Variants in LRRIQ3 observed in about 807,000 individuals in gnomAD.
LRRIQ3 encodes the protein leucine rich repeats and IQ motif containing 3.
A neutral mutation model predicts 59.3 loss-of-function variants in LRRIQ3; 75 were observed. That is an observed-to-expected ratio of 1.26 (90% confidence interval 1.05 to 1.53). The LOEUF is 1.53. Ranked by LOEUF, LRRIQ3 falls within the 40% of genes most tolerant of loss-of-function variation. LRRIQ3 has a pLI of 0.00. For missense variants in LRRIQ3, 831 were observed against 710.0 expected, an observed-to-expected ratio of 1.17 and a Z score of -1.94; for synonymous variants, 250 against 231.3, an observed-to-expected ratio of 1.08 and a Z score of -0.73.
chr1:74,109,131 C>T (rs1237690164), intron 5 of LRRIQ3: 2 of 210,934 alleles, frequency 9.5e-6, no homozygotes, highest in Non-Finnish European at 1.9e-5. Flanking sequence ...ATTATTACTA[C>T]TTGTAAAAAC....
At chr1:74,100,297 C>T (rs894633993) in intron 5 of LRRIQ3, among the ~76,000 whole-genome samples, 10 of 152,112 alleles carry the variant, frequency 6.6e-5, no homozygotes, top group Admixed American at 4.6e-4. Context: ...TGAGTGAACT[C>T]CCATTCACAA....
chr1:74,129,907 C>G (rs974141128), intron 4 of LRRIQ3, among the ~76,000 whole-genome samples: 2 of 151,922 alleles, frequency 1.3e-5, no homozygotes, highest in Non-Finnish European at 2.9e-5. Context: ...GAATAGGGGC[C>G]TCAGGACTCT....
chr1:74,173,756 T>A (rs189490978), intron 3 of LRRIQ3, among the ~76,000 whole-genome samples: 2 of 152,218 alleles, frequency 1.3e-5, no homozygotes, highest in African/African-American at 4.8e-5. Context: ...AAATTTTGTT[T>A]CAATTCAAAA....
At chr1:74,055,886 T>C (rs1654518128) in intron 6 of LRRIQ3, among the ~76,000 whole-genome samples, 1 of 152,244 alleles carries the variant, frequency 6.6e-6, no homozygotes, top group African/African-American at 2.4e-5. Context: ...GGCTCACGCC[T>C]GTAATTCCAG....
At chr1:74,105,924 G>C (rs899041759) in intron 5 of LRRIQ3, among the ~76,000 whole-genome samples, 2 of 152,128 alleles carry the variant, frequency 1.3e-5, no homozygotes, top group East Asian at 1.9e-4. Context: ...TATGTCAGGT[G>C]TTTTCTGGAG....
intron 7 of LRRIQ3, among the ~76,000 whole-genome samples, chr1:74,037,064 T>A (rs1653894733): frequency 6.6e-6 from 1 of 152,256 alleles, no homozygotes; most frequent in Non-Finnish European, 1.5e-5. Context: ...TCTCAGTGGT[T>A]GTTATATGAC....
intron 4 of LRRIQ3, among the ~76,000 whole-genome samples, chr1:74,136,248 C>T (rs1360490371): frequency 2.6e-5 from 4 of 151,818 alleles, no homozygotes; most frequent in Admixed American, 1.3e-4. Context: ...TTAAAATGTT[C>T]CCATAGATAA....
At chr1:74,059,347 C>CTTTTTTTTTTTTTTTTTTT (rs1557597218) in intron 6 of LRRIQ3, among the ~76,000 whole-genome samples, 43 of 151,842 alleles carry the variant, frequency 2.8e-4, no homozygotes, top group African/African-American at 9.5e-4. Context: ...CTCCCATCTT[C>CTTTTTTTTTTTTTTTTTTT]TCTTTTAAGA....
chr1:74,100,918 T>A lies in LRRIQ3; in HGVS notation c.867+8476A>T, dbSNP rs545909264. On this transcript the variant is annotated intron_variant, in intron 5 of 7. Coordinates refer to ENST00000354431, the MANE Select transcript of LRRIQ3 (RefSeq NM_001105659.2). ...TATACAAAAATTAATTCAAGATGGA[T>A]TAAAGACTTAAATGTTAGACCTAAA... Among the ~76,000 whole-genome samples the A allele has an allele frequency of 7.2e-5, 11 of 152,186 alleles. No homozygotes were observed. In the East Asian group the frequency reaches 2.1e-3, roughly 29 times the overall value.
At chr1:74,151,950 T>C (rs191435524) in intron 4 of LRRIQ3, among the ~76,000 whole-genome samples, 8 of 152,236 alleles carry the variant, frequency 5.3e-5, no homozygotes, top group African/African-American at 1.9e-4. Flanking sequence ...AAAAACTAAT[T>C]TTATAGAAAC....
chr1:74,174,710 T>C (rs1649535356), intron 3 of LRRIQ3, among the ~76,000 whole-genome samples: 1 of 152,066 alleles, frequency 6.6e-6, no homozygotes, highest in Admixed American at 6.6e-5. Flanking sequence ...TTCATTTTGG[T>C]TAATGTTTTC....
At chr1:74,139,564 A>G (rs1647194507) in intron 4 of LRRIQ3, among the ~76,000 whole-genome samples, 1 of 151,922 alleles carries the variant, frequency 6.6e-6, no homozygotes, top group African/African-American at 2.4e-5. Flanking sequence ...CCTAGGATTG[A>G]TGGCTTTAGT....
chr1:74,075,112 T>C (rs959486458), intron 5 of LRRIQ3, among the ~76,000 whole-genome samples: 3 of 151,914 alleles, frequency 2.0e-5, no homozygotes, highest in Non-Finnish European at 4.4e-5. Context: ...AGAAGCAAGA[T>C]AGTGTTCCCC....
rs527850323 is a variant in LRRIQ3, at chr1:74,138,427, C to G, written c.707+17306G>C. 3.3e-5 allele frequency: 32 copies of G among 957,424 alleles called. No homozygotes were observed. In the South Asian group the frequency reaches 1.3e-3, roughly 39 times the overall value. The allele number at this position is 957,424 out of a possible 1,614,324, so 59.3% of individuals were successfully genotyped here. ...CTCCAAATATCCTTCAATCCATTAC[C>G]AGACTTACATACTTACTTTTTGGTG... On this transcript the variant is annotated intron_variant, in intron 4 of 7. Coordinates refer to ENST00000354431, the MANE Select transcript of LRRIQ3 (RefSeq NM_001105659.2).
At chr1:74,055,180 T>TTATATATATA (rs57279520) in intron 6 of LRRIQ3, among the ~76,000 whole-genome samples, 406 of 139,888 alleles carry the variant, frequency 2.9e-3, no homozygotes, top group African/African-American at 9.6e-3. Context: ...CATATACACT[T>TTATATATATA]TATATATATA....
At chr1:74,111,908 T>G (rs1646700971) in intron 4 of LRRIQ3, among the ~76,000 whole-genome samples, 1 of 152,042 alleles carries the variant, frequency 6.6e-6, no homozygotes, top group Non-Finnish European at 1.5e-5. Context: ...CGATCCTACC[T>G]CCATGTTTCA....
intron 6 of LRRIQ3, among the ~76,000 whole-genome samples, chr1:74,042,522 A>G (rs1299288999): frequency 6.6e-6 from 1 of 152,088 alleles, no homozygotes; most frequent in East Asian, 1.9e-4. Flanking sequence ...CTTTTACAAA[A>G]ATATACCTGT....
chr1:74,160,168 A>C (rs569130247), intron 3 of LRRIQ3, among the ~76,000 whole-genome samples: 14 of 152,132 alleles, frequency 9.2e-5, no homozygotes, highest in Middle Eastern at 3.4e-3. Flanking sequence ...TTGCTATTTT[A>C]ATCCCGTTTT....
chr1:74,144,401 C>A (rs792115), intron 4 of LRRIQ3: 3 of 300,954 alleles, frequency 1.0e-5, no homozygotes, highest in South Asian at 6.1e-5. Flanking sequence ...TGAAACATTT[C>A]TTTATTTTCA....
Sources: gnomAD v4.1 joint callset for allele counts (sites outside exome capture counted in the v4.1 genomes callset) on GRCh38, gnomAD v4.1.1 for gene constraint, MANE v1.5 for transcripts, NCBI Gene and HGNC (gene_info 2026-07-23, HGNC 2026-07-21) for gene names.